The following NCALD variants were observed in gnomAD, a reference collection of about 807,000 sequenced individuals.
NCALD encodes neurocalcin delta, also known as neurocalcin-delta.
NCALD carries 10 observed loss-of-function variants against 18.6 expected under a neutral mutation model. That is an observed-to-expected ratio of 0.54 (90% CI 0.33 to 0.91). The LOEUF is 0.91. NCALD is among the 40% of genes least tolerant of loss of function. The pLI, the probability that NCALD is intolerant of heterozygous loss-of-function variation, is 0.03. For missense variants in NCALD, 184 were observed against 247.6 expected, an observed-to-expected ratio of 0.74 and a Z score of 1.72; for synonymous variants, 88 against 87.4, an observed-to-expected ratio of 1.01 and a Z score of -0.04.
In NCALD at chr8:101,918,111, G is replaced by A. The variant is rs574820468; in HGVS notation, c.-156-2253C>T. Among the ~76,000 whole-genome samples the A allele has an allele frequency of 2.6e-5, 4 of 152,130 alleles. No homozygotes were observed. The South Asian group carries it at 8.3e-4, about 32-fold the overall frequency. ...AAATACTAGCAAACTAAATCCAACAGCACATCAAAAAGTTAATTCACCATG... is the reference window on the plus strand; with the variant it reads ...AAATACTAGCAAACTAAATCCAACAACACATCAAAAAGTTAATTCACCATG... On this transcript the variant is annotated intron_variant, in intron 2 of 6. Transcript: ENST00000311028.
At chr8:101,745,958 A>G (rs1036085601) in intron 1 of NCALD, 2 of 152,204 alleles carry the variant, frequency 1.3e-5, no homozygotes, top group Admixed American at 1.3e-4. Context: ...TGCTTCGATC[A>G]TTACGCACCA....
chr8:101,887,647 T>G (rs952404437), intron 3 of NCALD, among the ~76,000 whole-genome samples: 1 of 150,160 alleles, frequency 6.7e-6, no homozygotes, highest in Non-Finnish European at 1.5e-5. Context: ...AATACATTAT[T>G]TAAATATATA....
chr8:101,786,376 G>A (rs753879212), intron 1 of NCALD, among the ~76,000 whole-genome samples: 30 of 152,280 alleles, frequency 2.0e-4, no homozygotes, highest in Non-Finnish European at 3.4e-4. Context: ...TGTGAATGCA[G>A]TAGTCCGTTA....
intron 1 of NCALD, among the ~76,000 whole-genome samples, chr8:102,050,915 T>A (rs992543886): frequency 1.4e-5 from 2 of 147,228 alleles, no homozygotes; most frequent in African/African-American, 4.9e-5. Flanking sequence ...TATATATAAG[T>A]ATATAATTTA....
intron 2 of NCALD, chr8:101,915,960 G>T (rs1231555724): frequency 6.6e-6 from 1 of 152,130 alleles, no homozygotes. Flanking sequence ...AGAACACTGG[G>T]AGACTGACAT....
intron 3 of NCALD, among the ~76,000 whole-genome samples, chr8:101,906,486 A>C (rs1220830044): frequency 6.6e-6 from 1 of 152,216 alleles, no homozygotes; most frequent in African/African-American, 2.4e-5. Context: ...GCCATGGTTG[A>C]CACAAAAACA....
At chr8:102,004,933 GA>G in intron 2 of NCALD, among the ~76,000 whole-genome samples, 1 of 152,318 alleles carries the variant, frequency 6.6e-6, no homozygotes, top group African/African-American at 2.4e-5. Context: ...AATCCTAGAA[GA>G]AAACCTAGGC....
intron 4 of NCALD, among the ~76,000 whole-genome samples, chr8:101,865,368 G>T (rs1306386527): frequency 6.6e-6 from 1 of 152,208 alleles, no homozygotes; most frequent in Non-Finnish European, 1.5e-5. Context: ...GCTATTGCTA[G>T]CCTCTCTCCT....
At chr8:101,881,699 A>G (rs182181379) in intron 4 of NCALD, among the ~76,000 whole-genome samples, 1 of 151,594 alleles carries the variant, frequency 6.6e-6, no homozygotes, top group African/African-American at 2.4e-5. Flanking sequence ...CTTTGAGGGT[A>G]AAATTTTCTA....
intron 1 of NCALD, among the ~76,000 whole-genome samples, chr8:102,050,574 A>G (rs1217211070): frequency 6.6e-6 from 1 of 150,624 alleles, no homozygotes; most frequent in African/African-American, 2.4e-5. Flanking sequence ...TCATTCTATT[A>G]AACACACTAA....
chr8:101,920,715 AG>A (rs1818133005), intron 2 of NCALD, among the ~76,000 whole-genome samples: 2 of 152,170 alleles, frequency 1.3e-5, no homozygotes, highest in Non-Finnish European at 2.9e-5. Flanking sequence ...AACAGACAGC[AG>A]GGACTACTAG....
chr8:102,005,786 C>A (rs986063697), intron 2 of NCALD, among the ~76,000 whole-genome samples: 13 of 150,346 alleles, frequency 8.6e-5, no homozygotes, highest in African/African-American at 1.5e-4. Flanking sequence ...GACAAAAAAA[C>A]CAAACACCGC....
Position 101,834,305 on chromosome 8 carries a change from C to T in NCALD, c.-20+52836G>A, listed in dbSNP as rs1814316194. 2.0e-5 allele frequency among the ~76,000 whole-genome samples: 3 copies of T among 152,272 alleles called. No individual in the cohort carries two copies. In the South Asian group the frequency reaches 6.2e-4, roughly 32 times the overall value. On this transcript the variant is annotated intron_variant, in intron 4 of 6. Transcript: ENST00000311028. The stretch of plus-strand genomic sequence containing the variant: ...GGTGTCCCCCTGCTGGGGCTGGCCT[C>T]ACCCAGCTGCCCCAGGAATGGCCTG...
chr8:102,065,944 G>A (rs1823995009), intron 1 of NCALD, among the ~76,000 whole-genome samples: 2 of 152,292 alleles, frequency 1.3e-5, no homozygotes, highest in South Asian at 4.1e-4. Flanking sequence ...AACTGTATAT[G>A]ATTTTATAAC....
At chr8:101,809,404 C>T (rs1021489284) in intron 4 of NCALD, among the ~76,000 whole-genome samples, 7 of 152,048 alleles carry the variant, frequency 4.6e-5, no homozygotes, top group African/African-American at 1.7e-4. Flanking sequence ...ATTTTGTTTT[C>T]TAAGAAAATG....
chr8:101,886,987 A>T (rs78090946), intron 4 of NCALD, among the ~76,000 whole-genome samples: 2,026 of 152,318 alleles, frequency 0.013, 17 homozygotes, highest in Non-Finnish European at 0.02. Context: ...TCAAGAGTTA[A>T]AAATGGAAAT....
At chr8:101,872,094 G>A in intron 4 of NCALD, 1 of 1,569,970 alleles carries the variant, frequency 6.4e-7, no homozygotes, top group Non-Finnish European at 8.7e-7. Flanking sequence ...GTATGCAGGT[G>A]GTTGAATTGG....
chr8:102,120,959 G>A (rs924824942), intron 1 of NCALD, among the ~76,000 whole-genome samples: 1 of 152,164 alleles, frequency 6.6e-6, no homozygotes, highest in African/African-American at 2.4e-5. Flanking sequence ...GATAGGAATG[G>A]TAAAGACTAT....
chr8:101,825,445 T>C (rs1227420212), intron 4 of NCALD, among the ~76,000 whole-genome samples: 1 of 152,226 alleles, frequency 6.6e-6, no homozygotes, highest in Non-Finnish European at 1.5e-5. Flanking sequence ...ACAATCCAGT[T>C]AGATCTGGCC....
Sources: allele counts gnomAD v4.1 joint callset (sites outside exome capture counted in the v4.1 genomes callset), GRCh38; gene constraint gnomAD v4.1.1; transcripts MANE v1.5; gene names NCBI Gene and HGNC (gene_info 2026-07-23, HGNC 2026-07-21).